Variants in CTNNA3 observed in about 807,000 individuals in gnomAD.
The protein encoded by CTNNA3 is catenin alpha 3.
A neutral mutation model predicts 95.7 loss-of-function variants in CTNNA3; 76 were observed. That is an observed-to-expected ratio of 0.79 (90% CI 0.66 to 0.96). The LOEUF is 0.96. Ranked by LOEUF, CTNNA3 falls within the 40% of genes least tolerant of loss-of-function variation. CTNNA3 has a pLI of 0.00. For synonymous variants in CTNNA3, 431 were observed against 374.4 expected, an observed-to-expected ratio of 1.15 and a Z score of -1.74; for missense variants, 1,191 against 1,089.8, an observed-to-expected ratio of 1.09 and a Z score of -1.31.
intron 7 of CTNNA3, among the ~76,000 whole-genome samples, chr10:66,820,125 C>T (rs1456613017): frequency 6.6e-6 from 1 of 150,414 alleles, no homozygotes; most frequent in South Asian, 2.1e-4. Context: ...AAAATTACAG[C>T]ATATTCATAC....
chr10:67,118,883 A>G (rs1295642258), intron 7 of CTNNA3, among the ~76,000 whole-genome samples: 3 of 151,916 alleles, frequency 2.0e-5, no homozygotes, highest in East Asian at 3.9e-4. Context: ...GTAGAAATAT[A>G]TAATAACATT....
chr10:66,373,171 C>G (rs1246351218), intron 12 of CTNNA3, among the ~76,000 whole-genome samples: 1 of 152,116 alleles, frequency 6.6e-6, no homozygotes, highest in East Asian at 1.9e-4. Flanking sequence ...AAAGATTTTG[C>G]ATCACACAAT....
rs181291672 is a variant in CTNNA3 at position 67,272,437 on chromosome 10, C to T, written c.580-52567G>A. ...GAGTGGTGGTGCATGCCTGTAGTCC[C>T]GGTTACTTGGGAGGCTGAGATGGGA... On this transcript the variant is annotated intron_variant, in intron 5 of 17. Coordinates refer to ENST00000433211, the MANE Select transcript of CTNNA3 (RefSeq NM_013266.4). Among the ~76,000 whole-genome samples, 540 of 152,006 alleles carry T rather than the reference C, an allele frequency of 3.6e-3. 4 individuals carry two copies. Among genetic ancestry groups the T allele is most frequent in the Non-Finnish European group, 4.5e-3 (305 of 67,990 alleles).
chr10:67,651,835 C>A (rs1306370872), intron 1 of CTNNA3, among the ~76,000 whole-genome samples: 1 of 152,078 alleles, frequency 6.6e-6, no homozygotes, highest in South Asian at 2.1e-4. Flanking sequence ...GTAATTACTG[C>A]CCTTTATTTA....
intron 6 of CTNNA3, among the ~76,000 whole-genome samples, chr10:67,188,399 G>A (rs557425062): frequency 3.9e-5 from 6 of 152,146 alleles, no homozygotes; most frequent in Admixed American, 1.3e-4. Context: ...GGAGGCTGAG[G>A]TAGGAGGATC....
chr10:66,313,781 G>T (rs769937365), intron 12 of CTNNA3, among the ~76,000 whole-genome samples: 1 of 152,136 alleles, frequency 6.6e-6, no homozygotes, highest in African/African-American at 2.4e-5. Context: ...GCAGTAAAGC[G>T]TAAGAGCCTG....
chr10:66,611,620 A>T (rs2132286847), intron 10 of CTNNA3, among the ~76,000 whole-genome samples: 1 of 152,192 alleles, frequency 6.6e-6, no homozygotes, highest in South Asian at 2.1e-4. Flanking sequence ...ATGCTGCTGA[A>T]ACTATTCTTT....
At chr10:66,264,905 T>G (rs1022922364) in intron 13 of CTNNA3, among the ~76,000 whole-genome samples, 1 of 151,980 alleles carries the variant, frequency 6.6e-6, no homozygotes, top group African/African-American at 2.4e-5. Context: ...TTAATAATAC[T>G]AAGAGCAAGC....
intron 7 of CTNNA3, among the ~76,000 whole-genome samples, chr10:67,154,860 T>G (rs1316041587): frequency 6.6e-6 from 1 of 152,158 alleles, no homozygotes; most frequent in Non-Finnish European, 1.5e-5. Flanking sequence ...CACTGAGCTC[T>G]TTTCCCCAGG....
intron 7 of CTNNA3, among the ~76,000 whole-genome samples, chr10:66,900,534 G>C (rs953494120): frequency 6.6e-6 from 1 of 152,152 alleles, no homozygotes; most frequent in South Asian, 2.1e-4. Context: ...TTGACAAGTT[G>C]ACAGAAGTAG....
At chr10:67,628,900 TG>T (rs1361118236) in intron 2 of CTNNA3, among the ~76,000 whole-genome samples, 1 of 151,998 alleles carries the variant, frequency 6.6e-6, no homozygotes, top group Non-Finnish European at 1.5e-5. Flanking sequence ...TCCTGAAGTA[TG>T]GGTCTTCAAA....
At chr10:67,358,959 G>A (rs1842909406) in intron 5 of CTNNA3, among the ~76,000 whole-genome samples, 1 of 151,960 alleles carries the variant, frequency 6.6e-6, no homozygotes, top group African/African-American at 2.4e-5. Flanking sequence ...TGAAATATAA[G>A]AGACATGCAT....
chr10:66,365,147 A>G (rs922973825), intron 12 of CTNNA3, among the ~76,000 whole-genome samples: 1 of 152,156 alleles, frequency 6.6e-6, no homozygotes, highest in Non-Finnish European at 1.5e-5. Flanking sequence ...AATGTCCATC[A>G]ATGATAGATT....
At chr10:67,201,501 A>C (rs1564967866) in intron 6 of CTNNA3, among the ~76,000 whole-genome samples, 1 of 151,830 alleles carries the variant, frequency 6.6e-6, no homozygotes, top group Non-Finnish European at 1.5e-5. Flanking sequence ...TTTAGGGTAC[A>C]TGTGCTTTCC....
chr10:67,155,469 C>T (rs1282089480), intron 7 of CTNNA3, among the ~76,000 whole-genome samples: 2 of 151,690 alleles, frequency 1.3e-5, no homozygotes, highest in African/African-American at 4.8e-5. Context: ...TATAATGTTT[C>T]ATTAATGTAT....
chr10:65,955,183 CTGTT>C (rs1317153296), intron 17 of CTNNA3, among the ~76,000 whole-genome samples: 1 of 152,140 alleles, frequency 6.6e-6, no homozygotes, highest in Non-Finnish European at 1.5e-5. Context: ...ATTTGGCTCT[CTGTT>C]TGTCTGTTAT....
intron 7 of CTNNA3, among the ~76,000 whole-genome samples, chr10:67,032,055 A>G (rs1853759112): frequency 6.6e-6 from 1 of 152,172 alleles, no homozygotes; most frequent in Non-Finnish European, 1.5e-5. Context: ...TTCCAGTAAA[A>G]TGAGGTAGGT....
At chr10:67,645,430 A>C (rs1386127292) in intron 2 of CTNNA3, among the ~76,000 whole-genome samples, 2 of 152,142 alleles carry the variant, frequency 1.3e-5, no homozygotes, top group East Asian at 3.8e-4. Flanking sequence ...ATTGTTATAG[A>C]GCAAATAAGG....
chr10:66,503,475 AT>A (rs71466884), intron 11 of CTNNA3, among the ~76,000 whole-genome samples: 109 of 149,330 alleles, frequency 7.3e-4, no homozygotes, highest in Middle Eastern at 3.6e-3. Context: ...CCAAAAACAG[AT>A]TTTTTTTTTT....
Sources: allele counts gnomAD v4.1 joint callset (sites outside exome capture counted in the v4.1 genomes callset), GRCh38; gene constraint gnomAD v4.1.1; transcripts MANE v1.5; gene names NCBI Gene and HGNC (gene_info 2026-07-23, HGNC 2026-07-21).